The following SLC35B3 variants were observed in gnomAD, a reference collection of about 807,000 sequenced individuals.
SLC35B3 encodes solute carrier family 35 member B3.
Under a neutral mutation model 44.1 loss-of-function variants are expected in SLC35B3, and 35 were observed. That is an observed-to-expected ratio of 0.79 (90% CI 0.61 to 1.05). SLC35B3 has a LOEUF of 1.05. Among genes scored for constraint, SLC35B3 ranks in the 50% least tolerant of loss-of-function variants. The probability of loss-of-function intolerance (pLI) is 0.00; values close to 1 mark genes in which losing one functional copy is unlikely to be tolerated. For synonymous variants in SLC35B3, 146 were observed against 167.3 expected (o/e 0.87, Z 0.98); for missense variants, 414 against 476.4 (o/e 0.87, Z 1.22).
chr6:8,412,213 C>G lies in SLC35B3; in HGVS notation c.*1336G>C, dbSNP rs1007560980. Among the ~76,000 whole-genome samples the G allele has an allele frequency of 6.6e-6, 1 of 152,150 alleles. No individual in the cohort carries two copies. The highest frequency in any genetic ancestry group is 2.4e-5 in the African/African-American group (1 of 41,444). On this transcript the variant is annotated 3_prime_UTR_variant, in exon 11 of 11. Transcript: ENST00000644923. The stretch of plus-strand genomic sequence containing the variant: ...CTGCCAGCACCTCCATCTTGGACTT[C>G]CAGACATCAGAACTGTGGGAAATAA...
chr6:8,417,022 A>G lies in SLC35B3; in HGVS notation c.874-27T>C, dbSNP rs747486593. Reference sequence around the variant, plus strand: ...TGCAAAAAATAAAAAAGCCTGTTAGAAAAATGTAAAACAAACTCCGAGGTA... The same window carrying G: ...TGCAAAAAATAAAAAAGCCTGTTAGGAAAATGTAAAACAAACTCCGAGGTA... On this transcript the variant is annotated intron_variant, in intron 8 of 10. Coordinates refer to ENST00000644923, the MANE Select transcript of SLC35B3 (RefSeq NM_001370476.2). The G allele has an allele frequency of 3.1e-6, 4 of 1,293,596 alleles. No individual in the cohort carries two copies. In the South Asian group the frequency reaches 4.1e-5, roughly 13 times the overall value. 80.1% of individuals were successfully genotyped at this position (1,293,596 alleles called of 1,614,324 possible). A position where few individuals can be genotyped will look rare whatever the true frequency, so the allele number is the denominator to read the frequency against.
chr6:8,423,960 A>AT (rs1185146213), intron 4 of SLC35B3, among the ~76,000 whole-genome samples: 2 of 152,210 alleles, frequency 1.3e-5, no homozygotes, highest in South Asian at 4.1e-4. Context: ...AGGTGGTCAG[A>AT]TTTTCTCAAA....
intron 7 of SLC35B3, among the ~76,000 whole-genome samples, chr6:8,417,720 C>G (rs1355155073): frequency 6.6e-6 from 1 of 151,998 alleles, no homozygotes; most frequent in East Asian, 1.9e-4. Context: ...TTAATCCTTT[C>G]ATATATGCTT....
At chr6:8,426,583 G>T (rs778027001) in intron 4 of SLC35B3, among the ~76,000 whole-genome samples, 1 of 152,076 alleles carries the variant, frequency 6.6e-6, no homozygotes, top group Non-Finnish European at 1.5e-5. Context: ...TTTGACTCCT[G>T]CCATGATTCT....
At position 8,417,503 on chromosome 6, in the gene SLC35B3, GATAAAA is replaced by G. The variant is rs1762523629; in HGVS notation, c.781-15_781-10del. On this transcript the variant is annotated splice_polypyrimidine_tract_variant and intron_variant, in intron 7 of 10. Coordinates refer to ENST00000644923, the MANE Select transcript of SLC35B3 (RefSeq NM_001370476.2). ...GAATACGAATACAATACCTAGAGCA[GATAAAA>G]ATAAAGCAGAAAAAAGTACTATGAA... 93 of 1,517,672 alleles carry G rather than the reference GATAAAA, an allele frequency of 6.1e-5. 1 individual carries two copies. In the East Asian group the frequency reaches 2.1e-3, roughly 35 times the overall value. 94.0% of individuals were successfully genotyped at this position (1,517,672 alleles called of 1,614,324 possible).
chr6:8,427,913 A>G, intron 4 of SLC35B3, 24 bp downstream of exon 3: 1 of 1,593,410 alleles, frequency 6.3e-7, no homozygotes, highest in Non-Finnish European at 8.5e-7. Flanking sequence ...TAGAAATATC[A>G]AAAAATAAAA....
At chr6:8,428,491 C>A (rs1386376545) in intron 3 of SLC35B3, among the ~76,000 whole-genome samples, 1 of 151,982 alleles carries the variant, frequency 6.6e-6, no homozygotes, top group Non-Finnish European at 1.5e-5. Context: ...AAACCCCAAC[C>A]ATTTTCTCTG....
rs148175789 is a variant in SLC35B3 at position 8,414,282 on chromosome 6, T to C, written c.1056-583A>G. Among the ~76,000 whole-genome samples the C allele has an allele frequency of 2.5e-3, 374 of 152,306 alleles. 1 individual carries two copies. The highest frequency in any genetic ancestry group is 4.5e-3 in the Non-Finnish European group (303 of 68,008). On this transcript the variant is annotated intron_variant, in intron 10 of 10. Coordinates refer to ENST00000644923, the MANE Select transcript of SLC35B3 (RefSeq NM_001370476.2). ...AATTTTATGTTTCCCTCCAAACTTA[T>C]AGATTGTTAAGTTCTGGGTTTGAAA... is the stretch of plus-strand genomic sequence containing the variant.
Position 8,434,316 on chromosome 6 carries a change from A to C in SLC35B3, c.3+69T>G. The C allele has an allele frequency of 6.8e-6, 10 of 1,473,252 alleles. No individual in the cohort carries two copies. The South Asian group carries it at 1.1e-4, about 17-fold the overall frequency. 91.3% of individuals were successfully genotyped at this position (1,473,252 alleles called of 1,614,324 possible). The stretch of plus-strand genomic sequence containing the variant: ...ATGAAAAAAAAGTCATTACGGTGTC[A>C]TTAACCTGAAAAAACGTGATTTTAA... On this transcript the variant is annotated intron_variant, in intron 2 of 10. Coordinates refer to ENST00000644923, the MANE Select transcript of SLC35B3 (RefSeq NM_001370476.2). The surrounding 1 kb of genome is among the most constrained non-coding windows in gnomAD (Gnocchi z 6.3).
chr6:8,419,708 A>C lies in SLC35B3; in HGVS notation c.683-31T>G, dbSNP rs749629948. On this transcript the variant is annotated intron_variant, in intron 6 of 10. Coordinates refer to ENST00000644923, the MANE Select transcript of SLC35B3 (RefSeq NM_001370476.2). The surrounding 1 kb of genome is among the most constrained non-coding windows in gnomAD (Gnocchi z 4.3). ...AGAAGGTATTAAAAAAACAAACAAA[A>C]AAACCCTCCTTATTTAAACATATGA... The C allele has an allele frequency of 5.5e-6, 7 of 1,270,476 alleles. No homozygotes were observed. Among genetic ancestry groups the C allele is most frequent in the East Asian group, 2.5e-5 (1 of 40,314 alleles). The allele number at this position is 1,270,476 out of a possible 1,614,324, so 78.7% of individuals were successfully genotyped here.
rs1762106303 is a variant in SLC35B3, at chr6:8,412,958, C to G, written c.*591G>C. On this transcript the variant is annotated 3_prime_UTR_variant, in exon 11 of 11. Transcript: ENST00000644923. ...CCACGGCCTGGGTGGTTGGGAGCTC[C>G]TGCTCTAAAGAATAATTTTAAATCA... The G allele has an allele frequency of 6.6e-6, 1 of 152,170 alleles. No individual in the cohort carries two copies. The highest frequency in any genetic ancestry group is 2.4e-5 in the African/African-American group (1 of 41,422). The allele number at this position is 152,170 out of a possible 1,614,324, so 9.4% of individuals were successfully genotyped here. A position where few individuals can be genotyped will look rare whatever the true frequency, so the allele number is the denominator to read the frequency against.
At chr6:8,416,819 G>A (rs1020793370) in intron 9 of SLC35B3, 65 bp downstream of exon 8, 2 of 725,372 alleles carry the variant, frequency 2.8e-6, no homozygotes, top group Admixed American at 2.8e-5. Flanking sequence ...CTTATGTTTT[G>A]AAAAAGAGCA....
In SLC35B3 at chr6:8,433,801, G is replaced by T. The variant is rs1764216363; in HGVS notation, c.3+584C>A. 6.6e-6 allele frequency among the ~76,000 whole-genome samples: 1 copy of T among 151,968 alleles called. No homozygotes were observed. Among genetic ancestry groups the T allele is most frequent in the African/African-American group, 2.4e-5 (1 of 41,364 alleles). Reference sequence around the variant, plus strand: ...AAGAACATCACTGGTGAGAAAGTGTGACTGATAAAGACCTCTGATACCTAA... The same window carrying T: ...AAGAACATCACTGGTGAGAAAGTGTTACTGATAAAGACCTCTGATACCTAA... On this transcript the variant is annotated intron_variant, in intron 2 of 10. Coordinates refer to ENST00000644923, the MANE Select transcript of SLC35B3 (RefSeq NM_001370476.2). The surrounding 1 kb of genome is among the most constrained non-coding windows in gnomAD (Gnocchi z 4.1).
At position 8,434,192 on chromosome 6, in the gene SLC35B3, G is replaced by A. The variant is rs1269362984; in HGVS notation, c.3+193C>T. On this transcript the variant is annotated intron_variant, in intron 2 of 10. Transcript: ENST00000644923. The surrounding 1 kb of genome is among the most constrained non-coding windows in gnomAD (Gnocchi z 6.3). ...TTTAAAAATTAAAATTAGTGATAAT[G>A]TTGAGTTACAATGACCTATTGAAGT... 2.0e-5 allele frequency among the ~76,000 whole-genome samples: 3 copies of A among 151,858 alleles called. No individual in the cohort carries two copies. Among genetic ancestry groups the A allele is most frequent in the Non-Finnish European group, 2.9e-5 (2 of 67,998 alleles).
chr6:8,422,477 A>G lies in SLC35B3; in HGVS notation c.567T>C (p.Phe189=). The change falls in exon 5 of 11, where the codon TTT becomes TTC. Residue 189 remains phenylalanine, a synonymous_variant. Transcript: ENST00000644923. ...AACATATCATTACTATACCTTGAAT[A>G]AAAACTCCTCCTAGCATAACAGGAA... is the stretch of plus-strand genomic sequence containing the variant. The G allele has an allele frequency of 6.2e-7, 1 of 1,612,168 alleles. No homozygotes were observed. Among genetic ancestry groups the G allele is most frequent in the Non-Finnish European group, 8.5e-7 (1 of 1,178,566 alleles).
In SLC35B3 at chr6:8,435,160, C is replaced by T. The variant is rs948816235; in HGVS notation, c.-44+183G>A. ...CGGGCGAGGAGGAACAGATGCTCCTCCCTGGAAACCGCCCGGCCGGTTTCC... is the reference window on the plus strand; with the variant it reads ...CGGGCGAGGAGGAACAGATGCTCCTTCCTGGAAACCGCCCGGCCGGTTTCC... On this transcript the variant is annotated intron_variant, in intron 1 of 10. Transcript: ENST00000644923. This position sits in a 1 kb window ranked among gnomAD's most constrained non-coding sequence, Gnocchi z 5.5. 5.4e-6 allele frequency: 7 copies of T among 1,285,792 alleles called. No individual in the cohort carries two copies. The highest frequency in any genetic ancestry group is 2.3e-5 in the Admixed American group (1 of 43,404). 79.6% of individuals were successfully genotyped at this position (1,285,792 alleles called of 1,614,324 possible).
chr6:8,416,140 T>A (rs1685188827), intron 9 of SLC35B3, among the ~76,000 whole-genome samples: 1 of 152,130 alleles, frequency 6.6e-6, no homozygotes, highest in African/African-American at 2.4e-5. Context: ...AGTGCCTAAT[T>A]TATAGGACTG....
rs1414868854 is a variant in SLC35B3, at chr6:8,426,659, A to G, written c.419+1278T>C. Among the ~76,000 whole-genome samples, 10 of 152,146 alleles carry G rather than the reference A, an allele frequency of 6.6e-5. No individual in the cohort carries two copies. The South Asian group carries it at 1.9e-3, about 28-fold the overall frequency. On this transcript the variant is annotated intron_variant, in intron 4 of 10. Coordinates refer to ENST00000644923, the MANE Select transcript of SLC35B3 (RefSeq NM_001370476.2). ...CTTCTTTTTCTTCCCAGTCTCGGGT[A>G]TGTCTTTATCAGCAGCATGAAAACG...
intron 2 of SLC35B3, among the ~76,000 whole-genome samples, chr6:8,430,851 T>C (rs1042089187): frequency 3.3e-5 from 5 of 152,158 alleles, no homozygotes; most frequent in East Asian, 3.9e-4. Flanking sequence ...TAATCTATGA[T>C]TGCACCCCTG....
Sources: allele counts gnomAD v4.1 joint callset (sites outside exome capture counted in the v4.1 genomes callset), GRCh38; gene constraint gnomAD v4.1.1; non-coding constraint Gnocchi (gnomAD v3.1); transcripts MANE v1.5; gene names NCBI Gene and HGNC (gene_info 2026-07-23, HGNC 2026-07-21).